Variants in TRUB1 observed in about 807,000 individuals in gnomAD.
TRUB1 encodes the protein TruB pseudouridine synthase family member 1, also known as pseudouridylate synthase TRUB1.
In TRUB1, 23 loss-of-function variants were observed where a neutral mutation model predicts 33.9. The ratio of observed to expected loss-of-function variants is 0.68; its 90% CI spans 0.49 to 0.96. The LOEUF (loss-of-function observed/expected upper bound fraction) is 0.96, where lower values mean the gene tolerates loss of function less well. Ranked by LOEUF, TRUB1 falls within the 40% of genes least tolerant of loss-of-function variation. The pLI is 0.00. For missense variants in TRUB1, 378 were observed against 422.2 expected, an observed-to-expected ratio of 0.90 and a Z score of 0.92; for synonymous variants, 163 against 165.4, an observed-to-expected ratio of 0.99 and a Z score of 0.11.
chr10:114,939,301 A>T (rs1321303496), intron 1 of TRUB1, among the ~76,000 whole-genome samples: 3 of 152,222 alleles, frequency 2.0e-5, no homozygotes, highest in African/African-American at 7.2e-5. Flanking sequence ...CCTTAAGTTC[A>T]TTGGACATAT....
At chr10:114,952,122 C>T (rs1470075419) in intron 3 of TRUB1, among the ~76,000 whole-genome samples, 1 of 152,092 alleles carries the variant, frequency 6.6e-6, no homozygotes. Flanking sequence ...AAACACTTGA[C>T]GTAGTAGTGG....
chr10:114,938,247 C>G lies in TRUB1; in HGVS notation c.-7C>G, dbSNP rs183399437. ...TCCACGATGAAACAGGTCTGGGCTA[C>G]AAAAGTATGGCCGCTTCTGAGGCGG... On this transcript the variant is annotated 5_prime_UTR_variant, in exon 1 of 8. Coordinates refer to ENST00000298746, the MANE Select transcript of TRUB1 (RefSeq NM_139169.5). The G allele has an allele frequency of 4.0e-4, 650 of 1,613,682 alleles. 2 individuals carry two copies. In the African/African-American group the frequency reaches 7.6e-3, roughly 19 times the overall value.
chr10:114,965,884 A>C (rs2084305770), intron 4 of TRUB1, among the ~76,000 whole-genome samples: 1 of 152,134 alleles, frequency 6.6e-6, no homozygotes, highest in Admixed American at 6.5e-5. Flanking sequence ...ATTTTGAAAT[A>C]ATATCAAACT....
At chr10:114,941,267 A>G (rs1247463343) in intron 1 of TRUB1, among the ~76,000 whole-genome samples, 10 of 151,872 alleles carry the variant, frequency 6.6e-5, no homozygotes. Context: ...AAAACAATTT[A>G]TATTTATCCA....
At chr10:114,974,744 C>T (rs895995354) in intron 7 of TRUB1, among the ~76,000 whole-genome samples, 2 of 151,816 alleles carry the variant, frequency 1.3e-5, no homozygotes, top group Admixed American at 6.6e-5. Flanking sequence ...AACTGGAAGC[C>T]GTAGTCTTAT....
rs1046409366 is a variant in TRUB1, at chr10:114,977,125, A to T, written c.*1746A>T. ...GGAGTAGAGATTGTTGACCATTTTT[A>T]AAAAACGATAGCCACTCTTTTTCTT... On this transcript the variant is annotated 3_prime_UTR_variant, in exon 8 of 8. Transcript: ENST00000298746. 1.3e-5 allele frequency: 2 copies of T among 152,176 alleles called. No homozygotes were observed. The highest frequency in any genetic ancestry group is 2.9e-5 in the Non-Finnish European group (2 of 68,010). 9.4% of individuals were successfully genotyped at this position (152,176 alleles called of 1,614,324 possible).
chr10:114,950,450 G>A (rs2084229331), intron 2 of TRUB1, among the ~76,000 whole-genome samples: 1 of 152,148 alleles, frequency 6.6e-6, no homozygotes, highest in Admixed American at 6.6e-5. Flanking sequence ...TTAACAAAAA[G>A]AGAAGTGACT....
intron 3 of TRUB1, 107 bp from the exon 4 acceptor site, chr10:114,959,619 T>C (rs981019800): frequency 8.3e-6 from 6 of 721,956 alleles, no homozygotes; most frequent in Admixed American, 7.0e-5. Context: ...GCCTGTATTT[T>C]GTATCAGGTT....
chr10:114,976,701 T>C lies in TRUB1; in HGVS notation c.*1322T>C, dbSNP rs548390883. 1.3e-5 allele frequency: 2 copies of C among 152,298 alleles called. No homozygotes were observed. Among genetic ancestry groups the C allele is most frequent in the East Asian group, 3.9e-4 (2 of 5,194 alleles). 9.4% of individuals were successfully genotyped at this position (152,298 alleles called of 1,614,324 possible). On this transcript the variant is annotated 3_prime_UTR_variant, in exon 8 of 8. Transcript: ENST00000298746. ...GTGGTTTTATTTGTGCTTAACCCAA[T>C]TTAAACTCAATGTAAAATGTTATAT...
chr10:114,943,168 A>G (rs1389647149), intron 2 of TRUB1, among the ~76,000 whole-genome samples: 8 of 152,176 alleles, frequency 5.3e-5, no homozygotes, highest in Non-Finnish European at 1.0e-4. Flanking sequence ...CCTTCTAGGA[A>G]TCTGGAATTT....
intron 1 of TRUB1, among the ~76,000 whole-genome samples, chr10:114,939,510 T>C (rs1449799625): frequency 6.6e-6 from 1 of 152,206 alleles, no homozygotes; most frequent in African/African-American, 2.4e-5. Context: ...TTACATTGTT[T>C]AGTGTCCCAT....
chr10:114,951,205 A>C, intron 3 of TRUB1, 56 bp downstream of exon 3: 10 of 1,406,014 alleles, frequency 7.1e-6, no homozygotes, highest in Non-Finnish European at 1.0e-5. Context: ...ATCTACATGT[A>C]TTGGGTTTTT....
At position 114,974,392 on chromosome 10, in the gene TRUB1, A is replaced by G. The variant is rs758631486; in HGVS notation, c.793+7A>G. 2 of 1,606,690 alleles carry G rather than the reference A, an allele frequency of 1.2e-6. No homozygotes were observed. The highest frequency in any genetic ancestry group is 1.7e-5 in the Admixed American group (1 of 59,814). On this transcript the variant is annotated splice_region_variant and intron_variant, in intron 7 of 7. Transcript: ENST00000298746. ...GTCAGTGACATTGGAAAAGGTAAGC[A>G]TAAAAATGAATTATGAATTATCATT...
rs763119313 is a variant in TRUB1 at position 114,938,543 on chromosome 10, C to T, written c.286+4C>T. 6.6e-7 allele frequency: 1 copy of T among 1,523,950 alleles called. No individual in the cohort carries two copies. Among genetic ancestry groups the T allele is most frequent in the Non-Finnish European group, 8.8e-7 (1 of 1,138,766 alleles). 94.4% of individuals were successfully genotyped at this position (1,523,950 alleles called of 1,614,324 possible). ...TTGAAGGAGAAGCTGCTGGCAGGTACTGCAGCCCGGGTGGGGACCAGGCTG... is the reference window on the plus strand; with the variant it reads ...TTGAAGGAGAAGCTGCTGGCAGGTATTGCAGCCCGGGTGGGGACCAGGCTG... On this transcript the variant is annotated splice_donor_region_variant and intron_variant, in intron 1 of 7. Coordinates refer to ENST00000298746, the MANE Select transcript of TRUB1 (RefSeq NM_139169.5).
At chr10:114,969,673 C>A (rs2143026943) in intron 4 of TRUB1, 2 of 142,430 alleles carry the variant, frequency 1.4e-5, no homozygotes, top group East Asian at 2.0e-4. Flanking sequence ...ATGCTAAAAT[C>A]CTTGCTTATG....
At chr10:114,967,203 G>A (rs1323433880) in intron 4 of TRUB1, among the ~76,000 whole-genome samples, 3 of 152,178 alleles carry the variant, frequency 2.0e-5, no homozygotes, top group Non-Finnish European at 2.9e-5. Flanking sequence ...GTGCTTTGAC[G>A]TTCCCCTCTC....
chr10:114,958,361 C>G (rs1216725703), intron 3 of TRUB1, among the ~76,000 whole-genome samples: 1 of 152,078 alleles, frequency 6.6e-6, no homozygotes, highest in Non-Finnish European at 1.5e-5. Context: ...TTGGAATATT[C>G]CCTTCTGTAT....
chr10:114,948,776 T>C (rs2084221902), intron 2 of TRUB1, among the ~76,000 whole-genome samples: 1 of 152,242 alleles, frequency 6.6e-6, no homozygotes, highest in Non-Finnish European at 1.5e-5. Flanking sequence ...GAAACCATCA[T>C]GAGTTCAGTA....
chr10:114,970,854 T>A (rs1282971374), intron 5 of TRUB1, among the ~76,000 whole-genome samples: 1 of 152,306 alleles, frequency 6.6e-6, no homozygotes, highest in Middle Eastern at 3.4e-3. Context: ...ACCATTCCTA[T>A]TGGGCACAAT....
Sources: allele counts gnomAD v4.1 joint callset (sites outside exome capture counted in the v4.1 genomes callset), GRCh38; gene constraint gnomAD v4.1.1; transcripts MANE v1.5; gene names NCBI Gene and HGNC (gene_info 2026-07-23, HGNC 2026-07-21).